HS6ST3: variants seen among roughly 807,000 people sequenced by gnomAD.
HS6ST3 encodes the protein heparan-sulfate 6-O-sulfotransferase 3.
HS6ST3 carries 12 observed loss-of-function variants against 36.7 expected under a neutral mutation model. The observed-to-expected ratio is 0.33, with a 90% CI of 0.21 to 0.53. HS6ST3 has a LOEUF of 0.53. Among genes scored for constraint, HS6ST3 ranks in the 20% least tolerant of loss-of-function variants. The pLI, the probability that HS6ST3 is intolerant of heterozygous loss-of-function variation, is 0.95. For missense variants in HS6ST3, 584 were observed against 640.9 expected, an observed-to-expected ratio of 0.91 and a Z score of 0.96; for synonymous variants, 240 against 257.5, an observed-to-expected ratio of 0.93 and a Z score of 0.65.
intron 1 of HS6ST3, among the ~76,000 whole-genome samples, chr13:96,330,144 AG>A (rs1205927831): frequency 1.5e-5 from 2 of 137,362 alleles, no homozygotes; most frequent in Admixed American, 7.2e-5. Context: ...CCAATTTGCC[AG>A]TCTGTGTCTT....
In HS6ST3 at chr13:96,839,144, C is replaced by T. The variant is rs1205651249; in HGVS notation, c.*5946C>T. 6.6e-6 allele frequency: 1 copy of T among 152,186 alleles called. No homozygotes were observed. Among genetic ancestry groups the T allele is most frequent in the East Asian group, 1.9e-4 (1 of 5,200 alleles). The allele number at this position is 152,186 out of a possible 1,614,324, so 9.4% of individuals were successfully genotyped here. Reference sequence around the variant, plus strand: ...TGAGGAGCAAAAGTTTTGTGTACTTCAGTAATTGTCACATGTGTCTTCCAC... The same window carrying T: ...TGAGGAGCAAAAGTTTTGTGTACTTTAGTAATTGTCACATGTGTCTTCCAC... On this transcript the variant is annotated 3_prime_UTR_variant, in exon 2 of 2. Coordinates refer to ENST00000376705, the MANE Select transcript of HS6ST3 (RefSeq NM_153456.4).
chr13:96,491,169 C>A (rs142624601), intron 1 of HS6ST3, among the ~76,000 whole-genome samples: 36 of 152,106 alleles, frequency 2.4e-4, no homozygotes, highest in African/African-American at 8.0e-4. Context: ...AGGGAAACAC[C>A]ATTTATTTGA....
intron 1 of HS6ST3, among the ~76,000 whole-genome samples, chr13:96,642,509 G>A (rs929068271): frequency 1.3e-5 from 2 of 151,416 alleles, no homozygotes; most frequent in African/African-American, 4.9e-5. Context: ...CTTTATTTTG[G>A]GACTCCCAGT....
intron 1 of HS6ST3, among the ~76,000 whole-genome samples, chr13:96,123,496 G>C (rs1348084971): frequency 6.6e-6 from 1 of 152,160 alleles, no homozygotes; most frequent in Non-Finnish European, 1.5e-5. Flanking sequence ...TTTTGGAAAA[G>C]GCGAGTTGGA....
intron 1 of HS6ST3, among the ~76,000 whole-genome samples, chr13:96,607,404 G>A (rs1037271574): frequency 6.6e-6 from 1 of 152,164 alleles, no homozygotes; most frequent in African/African-American, 2.4e-5. Context: ...TCCACAACAT[G>A]TAAGAACTCG....
Position 96,767,607 on chromosome 13 carries a change from G to T in HS6ST3, c.708-64883G>T, listed in dbSNP as rs569081397. Among the ~76,000 whole-genome samples, 5 of 152,342 alleles carry T rather than the reference G, an allele frequency of 3.3e-5. No homozygotes were observed. The East Asian group carries it at 9.6e-4, about 29-fold the overall frequency. On this transcript the variant is annotated intron_variant, in intron 1 of 1. Transcript: ENST00000376705. ...TGCAACCCTGAAATAAAACTGGTTTGTGGATGCTGTGGCAAATACAGAATT... is the reference window on the plus strand; with the variant it reads ...TGCAACCCTGAAATAAAACTGGTTTTTGGATGCTGTGGCAAATACAGAATT...
At chr13:96,106,668 A>G (rs2053843223) in intron 1 of HS6ST3, among the ~76,000 whole-genome samples, 4 of 152,246 alleles carry the variant, frequency 2.6e-5, no homozygotes, top group Admixed American at 2.0e-4. Flanking sequence ...AAATGAAGGC[A>G]GCGTATTTGA....
intron 1 of HS6ST3, among the ~76,000 whole-genome samples, chr13:96,654,602 G>A (rs2056618418): frequency 6.6e-6 from 1 of 152,094 alleles, no homozygotes. Flanking sequence ...TGCTGTTTTT[G>A]TTACTGCAGC....
At position 96,312,255 on chromosome 13, in the gene HS6ST3, G is replaced by A. The variant is rs554293626; in HGVS notation, c.707+220686G>A. 3.3e-5 allele frequency among the ~76,000 whole-genome samples: 5 copies of A among 152,124 alleles called. No individual in the cohort carries two copies. The East Asian group carries it at 5.8e-4, about 18-fold the overall frequency. On this transcript the variant is annotated intron_variant, in intron 1 of 1. Coordinates refer to ENST00000376705, the MANE Select transcript of HS6ST3 (RefSeq NM_153456.4). ...TGAACTTCTCAGACTTGGATATGTA[G>A]TATTTTCCAATTTGCGTTATGGTTC...
intron 1 of HS6ST3, among the ~76,000 whole-genome samples, chr13:96,117,996 A>G (rs961820007): frequency 2.0e-5 from 3 of 151,772 alleles, no homozygotes; most frequent in African/African-American, 4.8e-5. Context: ...CAGCCTCCTG[A>G]GTAGCTGGGA....
intron 1 of HS6ST3, among the ~76,000 whole-genome samples, chr13:96,280,118 A>G (rs1175693179): frequency 1.3e-5 from 2 of 152,166 alleles, no homozygotes; most frequent in Non-Finnish European, 2.9e-5. Flanking sequence ...GTCTGTCAAC[A>G]TAAAGCTTGC....
chr13:96,418,975 A>G (rs2055548626), intron 1 of HS6ST3, among the ~76,000 whole-genome samples: 1 of 152,254 alleles, frequency 6.6e-6, no homozygotes, highest in Non-Finnish European at 1.5e-5. Context: ...TCTAAAGCTC[A>G]GCACCAGGGG....
In HS6ST3 at chr13:96,232,473, G is replaced by A. The variant is rs1275199656; in HGVS notation, c.707+140904G>A. Among the ~76,000 whole-genome samples the A allele has an allele frequency of 2.6e-5, 4 of 152,172 alleles. No individual in the cohort carries two copies. In the South Asian group the frequency reaches 8.3e-4, roughly 31 times the overall value. On this transcript the variant is annotated intron_variant, in intron 1 of 1. Transcript: ENST00000376705. The stretch of plus-strand genomic sequence containing the variant: ...ATAAACAAGAATGCTTCTGTATTGG[G>A]TGTGAGAGAATGTGCAGTCTCCACC...
intron 1 of HS6ST3, among the ~76,000 whole-genome samples, chr13:96,298,038 C>A (rs1276644659): frequency 6.6e-6 from 1 of 151,766 alleles, no homozygotes; most frequent in African/African-American, 2.4e-5. Flanking sequence ...GAAAAAAAAC[C>A]TGTTGTTTTG....
At chr13:96,614,565 G>A (rs1335010076) in intron 1 of HS6ST3, among the ~76,000 whole-genome samples, 1 of 152,102 alleles carries the variant, frequency 6.6e-6, no homozygotes, top group Non-Finnish European at 1.5e-5. Flanking sequence ...AGCTTATGTT[G>A]TGAATCTTTG....
intron 1 of HS6ST3, among the ~76,000 whole-genome samples, chr13:96,745,752 G>T (rs2138488292): frequency 6.6e-6 from 1 of 152,158 alleles, no homozygotes; most frequent in Non-Finnish European, 1.5e-5. Flanking sequence ...ACTGGAGGTG[G>T]TTTGATATGC....
intron 1 of HS6ST3, among the ~76,000 whole-genome samples, chr13:96,127,361 A>G (rs2053956855): frequency 6.6e-6 from 1 of 152,238 alleles, no homozygotes; most frequent in African/African-American, 2.4e-5. Flanking sequence ...ATCAGGCATT[A>G]GATTTTCATA....
intron 1 of HS6ST3, among the ~76,000 whole-genome samples, chr13:96,544,175 C>A (rs972776432): frequency 6.6e-6 from 1 of 152,132 alleles, no homozygotes; most frequent in African/African-American, 2.4e-5. Context: ...CCACTGAAAT[C>A]TGATATTCTC....
chr13:96,522,216 A>G (rs1231891081), intron 1 of HS6ST3, among the ~76,000 whole-genome samples: 1 of 152,174 alleles, frequency 6.6e-6, no homozygotes, highest in Admixed American at 6.5e-5. Context: ...TCTCAGAGAC[A>G]GTTTGTTGTG....
Sources: allele counts gnomAD v4.1 joint callset (sites outside exome capture counted in the v4.1 genomes callset), GRCh38; gene constraint gnomAD v4.1.1; transcripts MANE v1.5; gene names NCBI Gene and HGNC (gene_info 2026-07-23, HGNC 2026-07-21).